Variants in RANBP9 observed in about 807,000 individuals in gnomAD.
RANBP9 encodes RAN binding protein 9, also known as ran-binding protein 9.
A neutral mutation model predicts 84.3 loss-of-function variants in RANBP9; 15 were observed. The ratio of observed to expected loss-of-function variants is 0.18; its 90% CI spans 0.12 to 0.27. The LOEUF is 0.27. Among genes scored for constraint, RANBP9 ranks in the 10% least tolerant of loss-of-function variants. The probability of loss-of-function intolerance (pLI) is 1.00; values close to 1 mark genes in which losing one functional copy is unlikely to be tolerated. For missense variants in RANBP9, 809 were observed against 912.8 expected (o/e 0.89, Z 1.46); for synonymous variants, 392 against 349.6 (o/e 1.12, Z -1.35).
At chr6:13,709,342 A>G (rs116830228) in intron 1 of RANBP9, among the ~76,000 whole-genome samples, 4,285 of 152,300 alleles carry the variant, frequency 0.028, 215 homozygotes, top group African/African-American at 0.097. Context: ...AACCACAAAC[A>G]ACTGCAGAAC....
intron 2 of RANBP9, among the ~76,000 whole-genome samples, chr6:13,696,385 G>A (rs1757827691): frequency 6.6e-6 from 1 of 152,128 alleles, no homozygotes; most frequent in South Asian, 2.1e-4. Context: ...TTTCCCAGCT[G>A]AAACCTAAAA....
intron 3 of RANBP9, among the ~76,000 whole-genome samples, chr6:13,658,308 T>C (rs1765456054): frequency 6.6e-6 from 1 of 152,144 alleles, no homozygotes; most frequent in East Asian, 1.9e-4. Flanking sequence ...AATTTAAATT[T>C]ATTAAAAACC....
At chr6:13,699,521 G>A (rs1223457482) in intron 1 of RANBP9, among the ~76,000 whole-genome samples, 1 of 152,060 alleles carries the variant, frequency 6.6e-6, no homozygotes, top group Non-Finnish European at 1.5e-5. Flanking sequence ...ATACTTACCA[G>A]TTGAGCATCC....
At chr6:13,631,247 G>A (rs1230794498) in intron 12 of RANBP9, among the ~76,000 whole-genome samples, 1 of 152,172 alleles carries the variant, frequency 6.6e-6, no homozygotes, top group Non-Finnish European at 1.5e-5. Flanking sequence ...GAAGTTCAAA[G>A]TATGATAAAT....
rs778452410 is a variant in RANBP9, at chr6:13,632,397, C to T, written c.1920G>A (p.Lys640=). 3 of 1,612,182 alleles carry T rather than the reference C, an allele frequency of 1.9e-6. No individual in the cohort carries two copies. Among genetic ancestry groups the T allele is most frequent in the South Asian group, 1.1e-5 (1 of 90,700 alleles). Residue 640 remains lysine, a synonymous_variant, in exon 12 of 14, where the codon AAG becomes AAA. Transcript: ENST00000011619. ...TCAACATTTTTTTGTTTGCAGTGTT[C>T]TTGCCACAGTCTCTCCTTAGCTGTT... The part of the protein sequence containing the change: ...MSEQLRRDCG[K]NTANKKMLKD...
At chr6:13,652,291 C>A (rs982110153) in intron 5 of RANBP9, among the ~76,000 whole-genome samples, 13 of 152,204 alleles carry the variant, frequency 8.5e-5, no homozygotes, top group African/African-American at 2.4e-4. Flanking sequence ...ATTCCAAGCA[C>A]TTTACCTGCC....
intron 7 of RANBP9, among the ~76,000 whole-genome samples, 188 bp from the exon 8 acceptor site, chr6:13,641,495 A>T (rs1765062083): frequency 1.3e-5 from 2 of 150,434 alleles, no homozygotes; most frequent in Admixed American, 1.3e-4. Context: ...AGAAAATTAG[A>T]AAAACAAGTA....
chr6:13,699,370 T>C (rs895584507), intron 1 of RANBP9, among the ~76,000 whole-genome samples: 1 of 152,200 alleles, frequency 6.6e-6, no homozygotes, highest in African/African-American at 2.4e-5. Context: ...ATGTAAAAGG[T>C]ATAAGGAAAA....
chr6:13,632,655 TA>T (rs1478435228), intron 11 of RANBP9, 134 bp from the exon 12 acceptor site: 15 of 854,238 alleles, frequency 1.8e-5, no homozygotes, highest in Non-Finnish European at 2.1e-5. Flanking sequence ...TGCAGATTGT[TA>T]AAAATTCATT....
At chr6:13,667,066 A>C (rs1314415747) in intron 2 of RANBP9, among the ~76,000 whole-genome samples, 2 of 152,174 alleles carry the variant, frequency 1.3e-5, no homozygotes, top group Admixed American at 6.5e-5. Flanking sequence ...TGAACAAGAA[A>C]TTTATTATTG....
intron 10 of RANBP9, among the ~76,000 whole-genome samples, chr6:13,634,811 C>G (rs1162596500): frequency 6.6e-6 from 1 of 152,124 alleles, no homozygotes; most frequent in African/African-American, 2.4e-5. Flanking sequence ...GACTTTACAT[C>G]AATATGGAGA....
chr6:13,627,630 CAAAAAAAAA>C (rs35401168), intron 12 of RANBP9, among the ~76,000 whole-genome samples: 3 of 66,410 alleles, frequency 4.5e-5, no homozygotes, highest in Non-Finnish European at 5.8e-5. Flanking sequence ...ACTCCATCTC[CAAAAAAAAA>C]AAAAAAAAAA....
intron 1 of RANBP9, among the ~76,000 whole-genome samples, chr6:13,708,297 G>A (rs1584953667): frequency 1.3e-5 from 2 of 152,016 alleles, no homozygotes; most frequent in East Asian, 3.9e-4. Context: ...ATAGTGACAG[G>A]AGCCTGTGGT....
At chr6:13,702,674 C>T (rs1419965508) in intron 1 of RANBP9, among the ~76,000 whole-genome samples, 4 of 151,986 alleles carry the variant, frequency 2.6e-5, no homozygotes, top group Non-Finnish European at 5.9e-5. Flanking sequence ...ACATTAGAAG[C>T]TAAACACCAG....
chr6:13,634,345 CTCATCAGCTGTGAA>C lies in RANBP9; in HGVS notation c.1795+72_1795+85del. On this transcript the variant is annotated intron_variant, in intron 11 of 13. Transcript: ENST00000011619. ...CATACATCTTTAAATCTGGTTTATG[CTCATCAGCTGTGAA>C]TCAGTACAAGTAAAAACATAACCTT... 3.4e-6 allele frequency: 5 copies of C among 1,469,734 alleles called. No individual in the cohort carries two copies. The East Asian group carries it at 1.2e-4, about 34-fold the overall frequency. 91.0% of individuals were successfully genotyped at this position (1,469,734 alleles called of 1,614,324 possible). A position where few individuals can be genotyped will look rare whatever the true frequency, so the allele number is the denominator to read the frequency against.
Position 13,696,856 on chromosome 6 carries a change from G to A in RANBP9, c.612C>T (p.Ala204=). ...KTPKDAASVR[A]THPIPAACGI... is the part of the protein sequence containing the mutation. ...CACAGGCTGCTGGTATTGGATGCGT[G>A]GCTCGAACTGACGCGGCATCTTTTG... Residue 204 remains alanine (A), a synonymous_variant, in exon 2 of 14, where the codon GCC becomes GCT. Coordinates refer to ENST00000011619, the MANE Select transcript of RANBP9 (RefSeq NM_005493.3). 18 of 1,613,290 alleles carry A rather than the reference G, an allele frequency of 1.1e-5. No individual in the cohort carries two copies. The highest frequency in any genetic ancestry group is 1.5e-5 in the Non-Finnish European group (18 of 1,179,520).
intron 1 of RANBP9, among the ~76,000 whole-genome samples, chr6:13,697,445 C>T (rs977017554): frequency 1.3e-5 from 2 of 152,160 alleles, no homozygotes; most frequent in Non-Finnish European, 2.9e-5. Context: ...AAAGCTGATT[C>T]ATAAAATCTC....
At chr6:13,682,081 C>T (rs1454033725) in intron 2 of RANBP9, among the ~76,000 whole-genome samples, 3 of 151,974 alleles carry the variant, frequency 2.0e-5, no homozygotes, top group South Asian at 4.2e-4. Context: ...AGGCTGGTCT[C>T]GAACTCCTGA....
chr6:13,642,064 A>C (rs1157318976), intron 7 of RANBP9, among the ~76,000 whole-genome samples: 2 of 152,208 alleles, frequency 1.3e-5, no homozygotes, highest in Admixed American at 6.5e-5. Context: ...CTAGGATCTA[A>C]ATAATAAATA....
Sources: gnomAD v4.1 joint callset for allele counts (sites outside exome capture counted in the v4.1 genomes callset) on GRCh38, gnomAD v4.1.1 for gene constraint, MANE v1.5 for transcripts, NCBI Gene and HGNC (gene_info 2026-07-23, HGNC 2026-07-21) for gene names.